Variants in CDK19 observed in about 807,000 individuals in gnomAD.
CDK19 encodes cyclin-dependent kinase 19.
Under a neutral mutation model 68.3 loss-of-function variants are expected in CDK19, and 20 were observed. The ratio of observed to expected loss-of-function variants is 0.29; its 90% confidence interval spans 0.21 to 0.43. CDK19 has a LOEUF of 0.43. CDK19 is among the 20% of genes least tolerant of loss of function. CDK19 has a pLI of 1.00. For missense variants in CDK19, 339 were observed against 623.5 expected, an observed-to-expected ratio of 0.54 and a Z score of 4.86; for synonymous variants, 221 against 222.8, an observed-to-expected ratio of 0.99 and a Z score of 0.07.
chr6:110,714,602 G>C (rs568052224), intron 2 of CDK19, among the ~76,000 whole-genome samples: 33 of 151,942 alleles, frequency 2.2e-4, no homozygotes, highest in African/African-American at 8.0e-4. Context: ...CATTCTAATG[G>C]GTGTGAAGTA....
intron 1 of CDK19, among the ~76,000 whole-genome samples, chr6:110,782,888 A>G (rs184235765): frequency 5.8e-4 from 88 of 152,188 alleles, no homozygotes; most frequent in African/African-American, 2.1e-3. Flanking sequence ...TTTCCTCCAC[A>G]ATTTTATACA....
At chr6:110,650,131 T>C (rs186220295) in intron 4 of CDK19, among the ~76,000 whole-genome samples, 1 of 152,314 alleles carries the variant, frequency 6.6e-6, no homozygotes, top group Admixed American at 6.5e-5. Flanking sequence ...GAAAGCAAGA[T>C]TTAAGACTAT....
rs368735788 is a variant in CDK19 at position 110,659,065 on chromosome 6, A to G, written c.456+8369T>C. On this transcript the variant is annotated intron_variant, in intron 4 of 12. Coordinates refer to ENST00000368911, the MANE Select transcript of CDK19 (RefSeq NM_015076.5). ...TAAAGTGTAGGTTCTCAAAGTTTCT[A>G]TATCTTAAGGACTAAGTAAGGCTAA... Among the ~76,000 whole-genome samples the G allele has an allele frequency of 9.8e-5, 15 of 152,342 alleles. No individual in the cohort carries two copies. In the South Asian group the frequency reaches 2.9e-3, roughly 29 times the overall value.
intron 2 of CDK19, among the ~76,000 whole-genome samples, chr6:110,675,627 CAAA>C (rs57966061): frequency 3.5e-5 from 2 of 56,522 alleles, no homozygotes; most frequent in African/African-American, 6.7e-5. Flanking sequence ...GACTCCATCT[CAAA>C]AAAAAAAAAA....
At chr6:110,625,933 G>A (rs1399269496) in intron 8 of CDK19, among the ~76,000 whole-genome samples, 1 of 152,032 alleles carries the variant, frequency 6.6e-6, no homozygotes, top group Non-Finnish European at 1.5e-5. Flanking sequence ...CACAATTTTC[G>A]GTAAGTGTGC....
At chr6:110,738,097 T>C (rs1330889493) in intron 2 of CDK19, among the ~76,000 whole-genome samples, 1 of 152,236 alleles carries the variant, frequency 6.6e-6, no homozygotes. Flanking sequence ...TAAACTTTGA[T>C]TTTGTCCCTT....
chr6:110,620,074 C>T (rs1273390518), intron 12 of CDK19, among the ~76,000 whole-genome samples: 2 of 152,020 alleles, frequency 1.3e-5, no homozygotes, highest in African/African-American at 4.8e-5. Context: ...GTAGATCAAA[C>T]TGAAGCCTAA....
chr6:110,618,870 C>CT (rs1443843058), intron 12 of CDK19, among the ~76,000 whole-genome samples: 2 of 152,176 alleles, frequency 1.3e-5, no homozygotes, highest in African/African-American at 4.8e-5. Context: ...TTCATACATT[C>CT]TGTAATAAAT....
chr6:110,630,027 C>T (rs1239276134), intron 6 of CDK19, among the ~76,000 whole-genome samples: 1 of 152,070 alleles, frequency 6.6e-6, no homozygotes, highest in East Asian at 1.9e-4. Flanking sequence ...TTCATTTCAA[C>T]AAGAGAAAAA....
chr6:110,810,896 T>C (rs1437920198), intron 1 of CDK19, among the ~76,000 whole-genome samples: 7 of 152,226 alleles, frequency 4.6e-5, no homozygotes, highest in Admixed American at 4.6e-4. Flanking sequence ...TATTTTTTTT[T>C]GGTATAAATG....
rs375883567 is a variant in CDK19 at position 110,686,935 on chromosome 6, G to A, written c.205-16394C>T. Among the ~76,000 whole-genome samples the A allele has an allele frequency of 2.0e-4, 31 of 152,134 alleles. 1 individual carries two copies. Among genetic ancestry groups the A allele is most frequent in the East Asian group, 1.7e-3 (9 of 5,184 alleles). On this transcript the variant is annotated intron_variant, in intron 2 of 12. Transcript: ENST00000368911. ...TAGTTTCGGCCAGGTGCGGTGGCTC[G>A]TGCCTGTAATCCCAGCACTTTGGGA...
chr6:110,705,172 C>G (rs1164674465), intron 2 of CDK19, among the ~76,000 whole-genome samples: 9 of 152,014 alleles, frequency 5.9e-5, no homozygotes, highest in African/African-American at 2.2e-4. Flanking sequence ...TCCCGAATAC[C>G]TGGGATTACA....
At chr6:110,636,351 A>G (rs182876112) in intron 5 of CDK19, among the ~76,000 whole-genome samples, 1 of 152,238 alleles carries the variant, frequency 6.6e-6, no homozygotes, top group Non-Finnish European at 1.5e-5. Flanking sequence ...TCAATTTCCT[A>G]AAGAAGTAAT....
At chr6:110,681,992 TAG>T (rs1332371331) in intron 2 of CDK19, among the ~76,000 whole-genome samples, 1 of 152,234 alleles carries the variant, frequency 6.6e-6, no homozygotes, top group East Asian at 1.9e-4. Context: ...TGACTCAATT[TAG>T]AGAGTCTGTA....
intron 1 of CDK19, chr6:110,773,730 T>C (rs1281039116): frequency 1.3e-5 from 2 of 152,162 alleles, no homozygotes; most frequent in Admixed American, 1.3e-4. Context: ...ACGGGTATTA[T>C]CTTGGTTTTA....
chr6:110,681,075 C>T (rs1201488357), intron 2 of CDK19, among the ~76,000 whole-genome samples: 1 of 151,890 alleles, frequency 6.6e-6, no homozygotes, highest in Non-Finnish European at 1.5e-5. Flanking sequence ...TGGTGGCTCA[C>T]ACCTGTAATG....
chr6:110,678,992 T>C (rs1771768427), intron 2 of CDK19, among the ~76,000 whole-genome samples: 1 of 152,156 alleles, frequency 6.6e-6, no homozygotes, highest in African/African-American at 2.4e-5. Context: ...TGGGCTATAA[T>C]ACCAGCTTGG....
intron 8 of CDK19, 99 bp from the exon 9 acceptor site, chr6:110,623,461 T>C (rs1778841664): frequency 6.8e-7 from 1 of 1,472,262 alleles, no homozygotes; most frequent in African/African-American, 1.4e-5. Context: ...AAGGTATGTG[T>C]TTAAGTCATT....
At chr6:110,663,417 A>G (rs1246987842) in intron 4 of CDK19, among the ~76,000 whole-genome samples, 1 of 152,198 alleles carries the variant, frequency 6.6e-6, no homozygotes, top group Non-Finnish European at 1.5e-5. Context: ...GTTTAAATCT[A>G]CTCCTGAAAG....
Sources: allele counts gnomAD v4.1 joint callset (sites outside exome capture counted in the v4.1 genomes callset), GRCh38; gene constraint gnomAD v4.1.1; transcripts MANE v1.5; gene names NCBI Gene and HGNC (gene_info 2026-07-23, HGNC 2026-07-21).